The following VIP variants were observed in gnomAD, a reference collection of about 807,000 sequenced individuals.
The protein encoded by VIP is VIP peptides.
VIP carries 18 observed loss-of-function variants against 20.1 expected under a neutral mutation model. That is an observed-to-expected ratio of 0.90 (90% CI 0.62 to 1.33). The LOEUF (loss-of-function observed/expected upper bound fraction) is 1.33, where lower values mean the gene tolerates loss of function less well. Ranked by LOEUF, VIP falls within the 40% of genes most tolerant of loss-of-function variation. The pLI, the probability that VIP is intolerant of heterozygous loss-of-function variation, is 0.00. For missense variants in VIP, 209 were observed against 199.4 expected (o/e 1.05, Z -0.29); for synonymous variants, 70 against 68.1 (o/e 1.03, Z -0.14).
chr6:152,752,855 T>A (rs2099729852), intron 2 of VIP, among the ~76,000 whole-genome samples: 1 of 152,120 alleles, frequency 6.6e-6, no homozygotes, highest in Admixed American at 6.6e-5. Flanking sequence ...GGACCATAAA[T>A]CCTTAGTTTT....
chr6:152,757,439 C>A (rs1020520612), intron 6 of VIP, among the ~76,000 whole-genome samples: 15 of 151,840 alleles, frequency 9.9e-5, no homozygotes, highest in Admixed American at 7.9e-4. Context: ...GTGTTCCTGG[C>A]TTACTTGGGG....
At chr6:152,752,306 A>G in intron 2 of VIP, 22 bp downstream of exon 2, 1 of 1,569,288 alleles carries the variant, frequency 6.4e-7, no homozygotes, top group South Asian at 1.1e-5. Context: ...TTCAATTCAA[A>G]CATCTGAACA....
chr6:152,758,541 C>T (rs767280659), intron 6 of VIP, among the ~76,000 whole-genome samples: 1 of 152,038 alleles, frequency 6.6e-6, no homozygotes, highest in Non-Finnish European at 1.5e-5. Flanking sequence ...ATTGATTAAT[C>T]ACACTGTGCT....
Position 152,756,197 on chromosome 6 carries a change from C to T in VIP, c.399C>T (p.Asn133=), listed in dbSNP as rs34903499. The change falls in exon 5 of 7, where the codon AAC becomes AAT. Residue 133 remains asparagine, a synonymous_variant. Coordinates refer to ENST00000367244, the MANE Select transcript of VIP (RefSeq NM_003381.4). ...ACTCAGATGCAGTCTTCACTGACAA[C>T]TATACCCGCCTTAGAAAACAAATGG... is the stretch of plus-strand genomic sequence containing the variant. ...KRHSDAVFTD[N]YTRLRKQMAV... is the part of the protein sequence containing the mutation. The T allele has an allele frequency of 6.4e-3, 10,243 of 1,611,734 alleles. 150 individuals carry two copies. Among genetic ancestry groups the T allele is most frequent in the Middle Eastern group, 0.054 (325 of 6,040 alleles).
rs768532086 is a variant in VIP at position 152,756,138 on chromosome 6, A to G, written c.340A>G (p.Asn114Asp). The stretch of plus-strand genomic sequence containing the variant: ...CCTTTTCCTCATGTTCCTTAGCAGT[A>G]ACATCTCAGAAGACCCTGTACCAGT... Reference protein sequence around the residue: ...ESLMGKRVSSNISEDPVPVKR... With the variant: ...ESLMGKRVSSDISEDPVPVKR... Residue 114 changes from asparagine to aspartate, a missense_variant, in exon 5 of 7, where the codon AAC becomes GAC. By Grantham distance (23) the Asn-to-Asp change is conservative (BLOSUM62 1). Coordinates refer to ENST00000367244, the MANE Select transcript of VIP (RefSeq NM_003381.4). The G allele has an allele frequency of 5.1e-6, 8 of 1,558,756 alleles. No individual in the cohort carries two copies. The Admixed American group carries it at 9.4e-5, about 18-fold the overall frequency.
chr6:152,752,318 T>G, intron 2 of VIP, 34 bp downstream of exon 2: 1 of 1,524,934 alleles, frequency 6.6e-7, no homozygotes, highest in Non-Finnish European at 9.1e-7. Flanking sequence ...ATCTGAACAT[T>G]CCTTCCTCAT....
At chr6:152,756,977 T>A (rs911490558) in intron 5 of VIP, 119 bp from the exon 6 acceptor site, 2 of 836,104 alleles carry the variant, frequency 2.4e-6, no homozygotes, top group African/African-American at 3.5e-5. Context: ...GATAATTGTT[T>A]AGCCTCCCCA....
At chr6:152,755,803 AG>A (rs1226976575) in intron 4 of VIP, among the ~76,000 whole-genome samples, 1 of 151,716 alleles carries the variant, frequency 6.6e-6, no homozygotes, top group Non-Finnish European at 1.5e-5. Context: ...CTTCTAAAGA[AG>A]TAATTATGTT....
At chr6:152,757,233 T>C in intron 6 of VIP, 49 bp downstream of exon 6, 3 of 1,263,284 alleles carry the variant, frequency 2.4e-6, no homozygotes, top group Non-Finnish European at 3.4e-6. Flanking sequence ...TGTCTCTGAT[T>C]ATATAAGTAG....
At chr6:152,755,844 A>G (rs564764373) in intron 4 of VIP, among the ~76,000 whole-genome samples, 67 of 151,952 alleles carry the variant, frequency 4.4e-4, no homozygotes, top group Admixed American at 2.0e-4. Context: ...ATTTCTCCCA[A>G]TGGCAGAGCA....
chr6:152,757,055 T>A, intron 5 of VIP, 41 bp from the exon 6 acceptor site: 1 of 1,603,322 alleles, frequency 6.2e-7, no homozygotes, highest in Non-Finnish European at 8.5e-7. Flanking sequence ...CCCTTTCTCA[T>A]CTGAGAGCCT....
At chr6:152,751,440 AG>A (rs1280168417) in intron 1 of VIP, among the ~76,000 whole-genome samples, 1 of 152,140 alleles carries the variant, frequency 6.6e-6, no homozygotes, top group Non-Finnish European at 1.5e-5. Context: ...CTTTTAATCT[AG>A]AAACTAGAAA....
chr6:152,755,335 C>G lies in VIP; in HGVS notation c.297C>G (p.Ala99=), dbSNP rs770497394. 23 of 1,593,128 alleles carry G rather than the reference C, an allele frequency of 1.4e-5. No homozygotes were observed. The highest frequency in any genetic ancestry group is 2.0e-5 in the Non-Finnish European group (23 of 1,169,676). ...DFSKLLGQLS[A]KKYLESLMGK... ...GTAAACTCTTGGGTCAACTTTCTGC[C>G]AAAAAGTACCTTGAGTCTCTTATGG... Residue 99 remains alanine, a synonymous_variant, in exon 4 of 7, where the codon GCC becomes GCG. Transcript: ENST00000367244.
chr6:152,758,438 A>G (rs1194282171), intron 6 of VIP, among the ~76,000 whole-genome samples: 1 of 152,020 alleles, frequency 6.6e-6, no homozygotes, highest in African/African-American at 2.4e-5. Flanking sequence ...CTCAAAGAAG[A>G]AAGTTAATTA....
At chr6:152,755,477 T>C in intron 4 of VIP, 104 bp downstream of exon 4, 1 of 682,594 alleles carries the variant, frequency 1.5e-6, no homozygotes, top group Non-Finnish European at 2.2e-6. Context: ...AATTGAAAAC[T>C]CGTTGATAAT....
chr6:152,755,374 G>T lies in VIP; in HGVS notation c.335+1G>T. On this transcript the variant is annotated splice_donor_variant, in intron 4 of 6. Coordinates refer to ENST00000367244, the MANE Select transcript of VIP (RefSeq NM_003381.4). LOFTEE classifies it high-confidence loss of function. ...AGTCTCTTATGGGAAAACGTGTTAG[G>T]TAAAGAGAATTTATTATTTTTATAA... 6.6e-7 allele frequency: 1 copy of T among 1,506,776 alleles called. No individual in the cohort carries two copies. The highest frequency in any genetic ancestry group is 9.0e-7 in the Non-Finnish European group (1 of 1,116,956). 93.3% of individuals were successfully genotyped at this position (1,506,776 alleles called of 1,614,324 possible). A position where few individuals can be genotyped will look rare whatever the true frequency, so the allele number is the denominator to read the frequency against.
intron 6 of VIP, 109 bp from the exon 7 acceptor site, chr6:152,758,801 G>A (rs1250971207): frequency 6.6e-6 from 1 of 152,006 alleles, no homozygotes; most frequent in East Asian, 1.9e-4. Flanking sequence ...CTGTTAACAA[G>A]GGACAAAGAG....
intron 2 of VIP, among the ~76,000 whole-genome samples, chr6:152,752,631 GA>G (rs1485396169): frequency 6.6e-6 from 1 of 152,040 alleles, no homozygotes; most frequent in Non-Finnish European, 1.5e-5. Context: ...ATTTCTGGTG[GA>G]AAAAAGCTGT....
In VIP at chr6:152,759,249, G is replaced by C. The variant is rs1224033452; in HGVS notation, c.*383G>C. The stretch of plus-strand genomic sequence containing the variant: ...AGCAAAATTGATGTGTTTATTTATA[G>C]AGTGTACTTAACTATTCAGGAGAGT... On this transcript the variant is annotated 3_prime_UTR_variant, in exon 7 of 7. Transcript: ENST00000367244. 1 of 151,946 alleles carries C rather than the reference G, an allele frequency of 6.6e-6. No homozygotes were observed. Among genetic ancestry groups the C allele is most frequent in the Non-Finnish European group, 1.5e-5 (1 of 67,940 alleles). The allele number at this position is 151,946 out of a possible 1,614,324, so 9.4% of individuals were successfully genotyped here.
Sources: gnomAD v4.1 joint callset for allele counts (sites outside exome capture counted in the v4.1 genomes callset) on GRCh38, gnomAD v4.1.1 for gene constraint, MANE v1.5 for transcripts, NCBI Gene and HGNC (gene_info 2026-07-23, HGNC 2026-07-21) for gene names.